SLC9A9: variants seen among roughly 807,000 people sequenced by gnomAD.
The protein encoded by SLC9A9 is sodium/hydrogen exchanger 9.
SLC9A9 carries 62 observed loss-of-function variants against 77.8 expected under a neutral mutation model. The ratio of observed to expected loss-of-function variants is 0.80; its 90% CI spans 0.65 to 0.98. The LOEUF is 0.98. Ranked by LOEUF, SLC9A9 falls within the 50% of genes least tolerant of loss-of-function variation. SLC9A9 has a pLI of 0.00. For synonymous variants in SLC9A9, 320 were observed against 283.5 expected (o/e 1.13, Z -1.29); for missense variants, 775 against 774.9 (o/e 1.00, Z 0.00).
intron 14 of SLC9A9, among the ~76,000 whole-genome samples, chr3:143,279,713 C>T (rs1216891379): frequency 6.6e-6 from 1 of 152,174 alleles, no homozygotes; most frequent in Non-Finnish European, 1.5e-5. Flanking sequence ...TGCTGTTCAG[C>T]TTCATCCATG....
At chr3:143,809,965 C>G (rs896102511) in intron 2 of SLC9A9, among the ~76,000 whole-genome samples, 2 of 152,146 alleles carry the variant, frequency 1.3e-5, no homozygotes, top group Non-Finnish European at 2.9e-5. Context: ...TTCTGTCATA[C>G]TACAAAAGGT....
At chr3:143,532,255 T>A (rs752360631) in intron 9 of SLC9A9, among the ~76,000 whole-genome samples, 7 of 152,170 alleles carry the variant, frequency 4.6e-5, no homozygotes, top group Non-Finnish European at 8.8e-5. Flanking sequence ...GCTGATTCCA[T>A]GATGTAAATA....
intron 4 of SLC9A9, among the ~76,000 whole-genome samples, chr3:143,719,602 T>A (rs1159236339): frequency 2.0e-5 from 3 of 152,198 alleles, no homozygotes; most frequent in African/African-American, 7.2e-5. Flanking sequence ...CCAGGGCAGG[T>A]ATCATATGTT....
At chr3:143,329,684 C>G (rs1387111873) in intron 14 of SLC9A9, among the ~76,000 whole-genome samples, 3 of 152,140 alleles carry the variant, frequency 2.0e-5, no homozygotes, top group Non-Finnish European at 4.4e-5. Context: ...CACTTCTGTT[C>G]CATTCATCTC....
intron 14 of SLC9A9, among the ~76,000 whole-genome samples, chr3:143,325,090 A>T (rs1006219354): frequency 2.8e-4 from 42 of 152,050 alleles, no homozygotes; most frequent in African/African-American, 9.2e-4. Context: ...AAAAAAAAAA[A>T]AAAAACCTTC....
chr3:143,390,067 C>T (rs976056502), intron 12 of SLC9A9, among the ~76,000 whole-genome samples: 1 of 152,206 alleles, frequency 6.6e-6, no homozygotes, highest in Non-Finnish European at 1.5e-5. Flanking sequence ...TTTTCTACCC[C>T]TGGGACTTGT....
At chr3:143,309,508 A>C (rs1258363071) in intron 14 of SLC9A9, among the ~76,000 whole-genome samples, 1 of 151,396 alleles carries the variant, frequency 6.6e-6, no homozygotes, top group African/African-American at 2.4e-5. Context: ...CACCTGACTC[A>C]GGCTTGGTTT....
intron 14 of SLC9A9, among the ~76,000 whole-genome samples, chr3:143,281,159 T>TGAC (rs1479002870): frequency 6.6e-6 from 1 of 152,210 alleles, no homozygotes; most frequent in Non-Finnish European, 1.5e-5. Context: ...CCTGTTACAG[T>TGAC]GACCCAGGGA....
chr3:143,791,718 A>G (rs1431944829), intron 4 of SLC9A9, among the ~76,000 whole-genome samples: 1 of 152,208 alleles, frequency 6.6e-6, no homozygotes, highest in Non-Finnish European at 1.5e-5. Flanking sequence ...CTATGAAATT[A>G]TTCTCAAAGA....
chr3:143,483,095 A>C (rs1017868783), intron 11 of SLC9A9, among the ~76,000 whole-genome samples: 1 of 152,220 alleles, frequency 6.6e-6, no homozygotes, highest in Non-Finnish European at 1.5e-5. Context: ...CCAGATCAGA[A>C]TTTGCATTAT....
intron 6 of SLC9A9, among the ~76,000 whole-genome samples, chr3:143,617,256 A>T (rs867482651): frequency 6.6e-6 from 1 of 152,240 alleles, no homozygotes; most frequent in Non-Finnish European, 1.5e-5. Flanking sequence ...TTCTGTTTTT[A>T]TAAATAAAGT....
chr3:143,817,018 T>C (rs1037258014), intron 2 of SLC9A9, among the ~76,000 whole-genome samples: 6 of 152,246 alleles, frequency 3.9e-5, no homozygotes, highest in Non-Finnish European at 8.8e-5. Context: ...ATCTGGTTAC[T>C]ATTCTGCTTT....
chr3:143,666,591 G>A (rs558061027), intron 5 of SLC9A9, among the ~76,000 whole-genome samples: 2 of 152,190 alleles, frequency 1.3e-5, no homozygotes, highest in East Asian at 3.9e-4. Flanking sequence ...AAACCCCATA[G>A]TCTCAGCATA....
chr3:143,415,585 T>C (rs1191463182), intron 12 of SLC9A9, among the ~76,000 whole-genome samples: 1 of 152,204 alleles, frequency 6.6e-6, no homozygotes, highest in East Asian at 1.9e-4. Context: ...AAGCCCACTA[T>C]TGAGATCTAC....
At chr3:143,368,218 G>A (rs761736183) in intron 13 of SLC9A9, among the ~76,000 whole-genome samples, 1 of 152,090 alleles carries the variant, frequency 6.6e-6, no homozygotes, top group Non-Finnish European at 1.5e-5. Context: ...TTTCTTTTAG[G>A]TGATCCCCTA....
chr3:143,275,631 CTTGAT>C (rs1399827991), intron 14 of SLC9A9, among the ~76,000 whole-genome samples: 2 of 151,956 alleles, frequency 1.3e-5, no homozygotes, highest in Non-Finnish European at 2.9e-5. Flanking sequence ...CTAATTTAGA[CTTGAT>C]TTATTAAATG....
intron 8 of SLC9A9, 48 bp from the exon 9 acceptor site, chr3:143,552,498 C>A: frequency 1.3e-6 from 2 of 1,537,014 alleles, no homozygotes; most frequent in Non-Finnish European, 1.8e-6. Context: ...TCTTTTCCAT[C>A]CAAGTCAAAG....
At chr3:143,630,188 A>T (rs757720282) in intron 6 of SLC9A9, among the ~76,000 whole-genome samples, 3 of 152,206 alleles carry the variant, frequency 2.0e-5, no homozygotes, top group Non-Finnish European at 2.9e-5. Flanking sequence ...GATGCTTCAA[A>T]CTCAGTGAGA....
At chr3:143,781,626 C>T (rs1018131959) in intron 4 of SLC9A9, among the ~76,000 whole-genome samples, 3 of 152,226 alleles carry the variant, frequency 2.0e-5, no homozygotes, top group South Asian at 2.1e-4. Flanking sequence ...GTTGAAATCA[C>T]GCTTACATTT....
Sources: allele counts gnomAD v4.1 joint callset (sites outside exome capture counted in the v4.1 genomes callset), GRCh38; gene constraint gnomAD v4.1.1; transcripts MANE v1.5; gene names NCBI Gene and HGNC (gene_info 2026-07-23, HGNC 2026-07-21).